The following NDST4 variants were observed in gnomAD, a reference collection of about 807,000 sequenced individuals.
NDST4 encodes N-deacetylase and N-sulfotransferase 4.
In NDST4, 63 loss-of-function variants were observed where a neutral mutation model predicts 100.8. The ratio of observed to expected loss-of-function variants is 0.62; its 90% CI spans 0.51 to 0.77. The LOEUF (loss-of-function observed/expected upper bound fraction) is 0.77, where lower values mean the gene tolerates loss of function less well. Among genes scored for constraint, NDST4 ranks in the 30% least tolerant of loss-of-function variants. The pLI is 0.00. For missense variants in NDST4, 943 were observed against 1,018.4 expected, an observed-to-expected ratio of 0.93 and a Z score of 1.01; for synonymous variants, 377 against 361.8, an observed-to-expected ratio of 1.04 and a Z score of -0.48.
intron 7 of NDST4, among the ~76,000 whole-genome samples, chr4:114,867,739 T>C (rs1001486770): frequency 4.9e-5 from 6 of 121,242 alleles, no homozygotes; most frequent in Admixed American, 2.6e-4. Context: ...ACCAAAATAA[T>C]AAAGGACATG....
intron 2 of NDST4, 47 bp downstream of exon 2, chr4:115,076,012 C>T (rs1560591005): frequency 1.3e-6 from 2 of 1,546,614 alleles, no homozygotes; most frequent in Non-Finnish European, 1.7e-6. Flanking sequence ...TTTATCGGTA[C>T]CATATTGTGA....
At chr4:114,875,056 T>G (rs1197836601) in intron 6 of NDST4, among the ~76,000 whole-genome samples, 1 of 152,138 alleles carries the variant, frequency 6.6e-6, no homozygotes, top group African/African-American at 2.4e-5. Flanking sequence ...ATCTTTCATA[T>G]GAAAAGGACA....
chr4:114,829,628 A>C (rs930599249), intron 13 of NDST4, among the ~76,000 whole-genome samples, 162 bp downstream of exon 13: 2 of 152,116 alleles, frequency 1.3e-5, no homozygotes, highest in African/African-American at 2.4e-5. Context: ...CTATCTATCT[A>C]TCATTTCTAT....
At chr4:114,948,880 C>T (rs1159502155) in intron 4 of NDST4, among the ~76,000 whole-genome samples, 1 of 151,936 alleles carries the variant, frequency 6.6e-6, no homozygotes, top group South Asian at 2.1e-4. Flanking sequence ...ATTTTTCAAA[C>T]TCAAAAATGC....
intron 12 of NDST4, among the ~76,000 whole-genome samples, chr4:114,833,247 C>T (rs774762285): frequency 5.9e-5 from 9 of 152,186 alleles, no homozygotes; most frequent in Non-Finnish European, 1.0e-4. Context: ...CATTTCATTT[C>T]TAACCTGTAA....
At chr4:115,111,239 A>G (rs982306748) in intron 1 of NDST4, among the ~76,000 whole-genome samples, 6 of 151,962 alleles carry the variant, frequency 3.9e-5, no homozygotes, top group African/African-American at 1.2e-4. Context: ...TTTAAGAACT[A>G]ATGTTAGTAT....
chr4:115,022,105 G>T (rs569726136), intron 2 of NDST4, among the ~76,000 whole-genome samples: 1 of 132,798 alleles, frequency 7.5e-6, no homozygotes, highest in South Asian at 2.1e-4. Context: ...CACGTTCCAC[G>T]TCTATACACG....
intron 1 of NDST4, among the ~76,000 whole-genome samples, chr4:115,090,323 AC>A (rs1308403020): frequency 2.6e-5 from 4 of 151,952 alleles, no homozygotes; most frequent in Non-Finnish European, 4.4e-5. Context: ...AATGATATTT[AC>A]ACCTAATTTT....
intron 4 of NDST4, 60 bp downstream of exon 4, chr4:114,970,370 C>A: frequency 1.4e-6 from 2 of 1,457,894 alleles, no homozygotes; most frequent in Non-Finnish European, 1.9e-6. Flanking sequence ...ATTAATTTTA[C>A]ACTTCCACCA....
intron 2 of NDST4, among the ~76,000 whole-genome samples, chr4:114,981,537 T>C (rs1341764234): frequency 6.6e-6 from 1 of 152,132 alleles, no homozygotes; most frequent in African/African-American, 2.4e-5. Context: ...ATCACCAGCA[T>C]GCTTGTAAAG....
At chr4:114,911,086 C>CTTATGTGA (rs1725052074) in intron 6 of NDST4, among the ~76,000 whole-genome samples, 1 of 152,158 alleles carries the variant, frequency 6.6e-6, no homozygotes, top group Non-Finnish European at 1.5e-5. Context: ...TAGTCAAAAA[C>CTTATGTGA]CTTCCAGTGG....
In NDST4 at chr4:115,076,117, T is replaced by C. The variant is rs761964037; in HGVS notation, c.920A>G (p.Asp307Gly). Reference protein sequence around the residue: ...TLSLDRYILVDIDDIFVGKEG... With the variant: ...TLSLDRYILVGIDDIFVGKEG... ...TTTCCCAACAAATATATCATCAATG[T>C]CCACAAGGATGTACCTGTCCAAGGA... Residue 307 changes from aspartate (D) to glycine (G), a missense_variant, in exon 2 of 14, where the codon GAC becomes GGC. By Grantham distance (94) the Asp-to-Gly change is moderately conservative (BLOSUM62 -1). Coordinates refer to ENST00000264363, the MANE Select transcript of NDST4 (RefSeq NM_022569.3). The C allele has an allele frequency of 6.2e-7, 1 of 1,613,780 alleles. No individual in the cohort carries two copies. Among genetic ancestry groups the C allele is most frequent in the South Asian group, 1.1e-5 (1 of 91,046 alleles).
At chr4:115,031,636 C>T (rs934933196) in intron 2 of NDST4, among the ~76,000 whole-genome samples, 1 of 152,072 alleles carries the variant, frequency 6.6e-6, no homozygotes, top group Non-Finnish European at 1.5e-5. Flanking sequence ...TAAACTCCCT[C>T]ATGTAGTTTA....
At chr4:115,037,152 T>C (rs1022030223) in intron 2 of NDST4, among the ~76,000 whole-genome samples, 1 of 151,946 alleles carries the variant, frequency 6.6e-6, no homozygotes, top group African/African-American at 2.4e-5. Flanking sequence ...TTTGTAAGGA[T>C]AGTGGTCATT....
At chr4:115,070,353 G>A (rs1410770502) in intron 2 of NDST4, among the ~76,000 whole-genome samples, 2 of 152,100 alleles carry the variant, frequency 1.3e-5, no homozygotes, top group African/African-American at 4.8e-5. Context: ...ATAAGTGGGA[G>A]CTAAAAGATG....
At chr4:114,967,202 G>A (rs935105743) in intron 4 of NDST4, among the ~76,000 whole-genome samples, 5 of 152,094 alleles carry the variant, frequency 3.3e-5, no homozygotes, top group African/African-American at 1.2e-4. Context: ...GAATGTCACT[G>A]CTTGAAGAGT....
At chr4:115,013,985 T>C (rs1163842402) in intron 2 of NDST4, among the ~76,000 whole-genome samples, 1 of 152,050 alleles carries the variant, frequency 6.6e-6, no homozygotes, top group Non-Finnish European at 1.5e-5. Flanking sequence ...CAGAAGGATA[T>C]TGGAGAATGA....
At chr4:114,876,655 G>A (rs761673969) in intron 6 of NDST4, among the ~76,000 whole-genome samples, 5 of 152,086 alleles carry the variant, frequency 3.3e-5, no homozygotes, top group Non-Finnish European at 5.9e-5. Context: ...GATATCAAAA[G>A]TAAGGAAAGT....
intron 6 of NDST4, among the ~76,000 whole-genome samples, chr4:114,919,925 T>G (rs115871771): frequency 6.6e-6 from 1 of 152,122 alleles, no homozygotes; most frequent in Non-Finnish European, 1.5e-5. Context: ...AACAGATATA[T>G]AATAGAACCT....
Sources: allele counts gnomAD v4.1 joint callset (sites outside exome capture counted in the v4.1 genomes callset), GRCh38; gene constraint gnomAD v4.1.1; transcripts MANE v1.5; gene names NCBI Gene and HGNC (gene_info 2026-07-23, HGNC 2026-07-21).